The following MORN2 variants were observed in gnomAD, a reference collection of about 807,000 sequenced individuals.
The protein encoded by MORN2 is MORN repeat-containing protein 2.
MORN2 carries 15 observed loss-of-function variants against 13.4 expected under a neutral mutation model. The ratio of observed to expected loss-of-function variants is 1.12; its 90% confidence interval spans 0.75 to 1.72. The LOEUF (loss-of-function observed/expected upper bound fraction) is 1.72, where lower values mean the gene tolerates loss of function less well. MORN2 is among the 40% of genes most tolerant of loss of function. MORN2 has a pLI of 0.00. For missense variants in MORN2, 168 were observed against 134.6 expected, an observed-to-expected ratio of 1.25 and a Z score of -1.23; for synonymous variants, 46 against 43.6, an observed-to-expected ratio of 1.06 and a Z score of -0.22.
At chr2:38,878,241 G>A (rs1300429566) in intron 1 of MORN2, among the ~76,000 whole-genome samples, 2 of 152,120 alleles carry the variant, frequency 1.3e-5, no homozygotes, top group Non-Finnish European at 2.9e-5. Context: ...TCAGTCCTTT[G>A]TAGTTTATTG....
At chr2:38,877,894 T>C (rs913604521) in intron 1 of MORN2, among the ~76,000 whole-genome samples, 3 of 152,064 alleles carry the variant, frequency 2.0e-5, no homozygotes, top group Non-Finnish European at 4.4e-5. Context: ...CTTCCTGGGC[T>C]CAAGCGATCC....
rs147472185 is a variant in MORN2 at position 38,881,299 on chromosome 2, G to A, written c.217-143G>A. On this transcript the variant is annotated intron_variant, in intron 3 of 4. Transcript: ENST00000644631. ...GATGAAGGAAAATGATAAAAATGTT[G>A]TCTTTATACTATGGAAATAAAGGAC... 1,139 of 666,780 alleles carry A rather than the reference G, an allele frequency of 1.7e-3. 1 individual carries two copies. Among genetic ancestry groups the A allele is most frequent in the Non-Finnish European group, 2.1e-3 (847 of 411,196 alleles). The allele number at this position is 666,780 out of a possible 1,614,324, so 41.3% of individuals were successfully genotyped here.
chr2:38,881,425 T>G lies in MORN2; in HGVS notation c.217-17T>G. On this transcript the variant is annotated splice_polypyrimidine_tract_variant and intron_variant, in intron 3 of 4. Transcript: ENST00000644631. ...CTGAAGATTAGTTTCTAAGGTAATT[T>G]CCTTTGTTACAAACAGATGAATGGT... 2 of 1,523,482 alleles carry G rather than the reference T, an allele frequency of 1.3e-6. No homozygotes were observed. The highest frequency in any genetic ancestry group is 5.0e-5 in the East Asian group (2 of 39,808). The allele number at this position is 1,523,482 out of a possible 1,614,324, so 94.4% of individuals were successfully genotyped here. A position where few individuals can be genotyped will look rare whatever the true frequency, so the allele number is the denominator to read the frequency against.
intron 1 of MORN2, 180 bp downstream of exon 1, chr2:38,876,290 T>A (rs1045688344): frequency 4.8e-5 from 19 of 394,632 alleles, no homozygotes; most frequent in Admixed American, 1.3e-4. Flanking sequence ...GATTCTGTTG[T>A]TAATTCGCTG....
rs1048030760 is a variant in MORN2, at chr2:38,878,201, A to AT, written c.59-1969dup. Among the ~76,000 whole-genome samples, 10 of 151,250 alleles carry AT rather than the reference A, an allele frequency of 6.6e-5. No homozygotes were observed. The East Asian group carries it at 7.7e-4, about 12-fold the overall frequency. On this transcript the variant is annotated intron_variant, in intron 1 of 4. Coordinates refer to ENST00000644631, the MANE Select transcript of MORN2 (RefSeq NM_001145450.3). Reference sequence around the variant, plus strand: ...CTCGGAATTTTAAAGACATAGTGCCATTTTTTTTTAGAATCCACTGTTGCT... The same window carrying AT: ...CTCGGAATTTTAAAGACATAGTGCCATTTTTTTTTTAGAATCCACTGTTGCT...
intron 3 of MORN2, among the ~76,000 whole-genome samples, chr2:38,881,023 G>C (rs1185926315): frequency 6.6e-6 from 1 of 152,052 alleles, no homozygotes; most frequent in East Asian, 1.9e-4. Flanking sequence ...GGAAAATCAG[G>C]CTCAGGTTTC....
At chr2:38,877,927 C>T (rs1281316944) in intron 1 of MORN2, among the ~76,000 whole-genome samples, 1 of 151,706 alleles carries the variant, frequency 6.6e-6, no homozygotes, top group Non-Finnish European at 1.5e-5. Context: ...CCCCAAGTAG[C>T]ATGGACAACA....
At chr2:38,881,137 A>C (rs941274504) in intron 3 of MORN2, among the ~76,000 whole-genome samples, 1 of 152,196 alleles carries the variant, frequency 6.6e-6, no homozygotes, top group African/African-American at 2.4e-5. Context: ...TGAACTAACT[A>C]AACTGGTTGC....
At chr2:38,881,059 A>G (rs1665761785) in intron 3 of MORN2, among the ~76,000 whole-genome samples, 1 of 152,224 alleles carries the variant, frequency 6.6e-6, no homozygotes, top group African/African-American at 2.4e-5. Flanking sequence ...ATGATAAAAC[A>G]GGAAAGTATA....
In MORN2 at chr2:38,876,416, A is replaced by G. The variant is rs536758069; in HGVS notation, c.58+306A>G. Among the ~76,000 whole-genome samples the G allele has an allele frequency of 2.1e-3, 315 of 152,332 alleles. 1 individual carries two copies. The highest frequency in any genetic ancestry group is 7.1e-3 in the African/African-American group (295 of 41,586). The stretch of plus-strand genomic sequence containing the variant: ...CGTTCCCAAGTTTCGAATGTAGAAC[A>G]TTTTAGCGGCAATTGAAAACAGTCC... On this transcript the variant is annotated intron_variant, in intron 1 of 4. Transcript: ENST00000644631.
chr2:38,880,094 G>C, intron 1 of MORN2, 85 bp from the exon 2 acceptor site: 3 of 390,210 alleles, frequency 7.7e-6, no homozygotes, highest in Non-Finnish European at 1.4e-5. Flanking sequence ...AGGAGTTTGA[G>C]ACTGGCCTGG....
chr2:38,880,754 G>T lies in MORN2; in HGVS notation c.216+48G>T, dbSNP rs766581994. The T allele has an allele frequency of 2.6e-6, 4 of 1,541,432 alleles. No homozygotes were observed. In the South Asian group the frequency reaches 4.9e-5, roughly 19 times the overall value. On this transcript the variant is annotated intron_variant, in intron 3 of 4. Transcript: ENST00000644631. ...TGGCAGTGGATAAATAACCCTGTAG[G>T]TTTAGTGATTCCAGGCATTTCACCA...
At chr2:38,881,693 C>A in intron 4 of MORN2, 115 bp downstream of exon 4, 2 of 854,772 alleles carry the variant, frequency 2.3e-6, no homozygotes, top group South Asian at 2.0e-5. Flanking sequence ...CTCTGTCATC[C>A]AGGCAGGAGT....
At chr2:38,878,290 CT>C (rs1012268851) in intron 1 of MORN2, among the ~76,000 whole-genome samples, 1 of 152,022 alleles carries the variant, frequency 6.6e-6, no homozygotes, top group Admixed American at 6.6e-5. Context: ...TTTAACTAGC[CT>C]AGCTGGCCTT....
At chr2:38,878,724 C>T (rs1001151622) in intron 1 of MORN2, among the ~76,000 whole-genome samples, 1 of 151,946 alleles carries the variant, frequency 6.6e-6, no homozygotes, top group Non-Finnish European at 1.5e-5. Flanking sequence ...TTTTTGTAAT[C>T]ACCTGTTCCT....
At chr2:38,878,470 C>G (rs1425983266) in intron 1 of MORN2, among the ~76,000 whole-genome samples, 3 of 151,954 alleles carry the variant, frequency 2.0e-5, no homozygotes, top group African/African-American at 4.8e-5. Context: ...CTGACAGTAG[C>G]CTTTTGGATC....
chr2:38,881,013 G>A (rs1665761065), intron 3 of MORN2, among the ~76,000 whole-genome samples: 1 of 152,118 alleles, frequency 6.6e-6, no homozygotes, highest in African/African-American at 2.4e-5. Flanking sequence ...TTACAAATGA[G>A]GAAAATCAGG....
In MORN2 at chr2:38,882,609, TACCC is replaced by T; in HGVS notation, c.*95_*98del. ...TGTTATTTGAAATGACTTCATACAC[TACCC>T]CTATAAGTTTGCCAATAAAACCATC... On this transcript the variant is annotated 3_prime_UTR_variant, in exon 5 of 5. Transcript: ENST00000644631. The T allele has an allele frequency of 1.2e-6, 1 of 837,704 alleles. No homozygotes were observed. The highest frequency in any genetic ancestry group is 1.9e-6 in the Non-Finnish European group (1 of 532,082). The allele number at this position is 837,704 out of a possible 1,614,324, so 51.9% of individuals were successfully genotyped here.
At chr2:38,882,194 T>C (rs1160195706) in intron 4 of MORN2, among the ~76,000 whole-genome samples, 1 of 151,910 alleles carries the variant, frequency 6.6e-6, no homozygotes, top group East Asian at 1.9e-4. Context: ...CAAATAATTG[T>C]TTGTTTTTGT....
Sources: allele counts gnomAD v4.1 joint callset (sites outside exome capture counted in the v4.1 genomes callset), GRCh38; gene constraint gnomAD v4.1.1; transcripts MANE v1.5; gene names NCBI Gene and HGNC (gene_info 2026-07-23, HGNC 2026-07-21).